OCA2: variants seen among roughly 807,000 people sequenced by gnomAD.
The protein encoded by OCA2 is P protein.
A neutral mutation model predicts 100.2 loss-of-function variants in OCA2; 77 were observed. That is an observed-to-expected ratio of 0.77 (90% CI 0.64 to 0.93). The LOEUF (loss-of-function observed/expected upper bound fraction) is 0.93. OCA2 is among the 40% of genes least tolerant of loss of function. The pLI, the probability that OCA2 is intolerant of heterozygous loss-of-function variation, is 0.00. For missense variants in OCA2, 1,062 were observed against 1,089.1 expected (o/e 0.98, Z 0.35); for synonymous variants, 432 against 439.2 (o/e 0.98, Z 0.21).
At chr15:28,030,268 A>G (rs1285257454) in intron 3 of OCA2, among the ~76,000 whole-genome samples, 1 of 152,132 alleles carries the variant, frequency 6.6e-6, no homozygotes, top group African/African-American at 2.4e-5. Context: ...TGTACGATGA[A>G]GAGGGGACAG....
At chr15:28,019,346 C>T (rs150360940) in intron 6 of OCA2, among the ~76,000 whole-genome samples, 70 of 97,864 alleles carry the variant, frequency 7.2e-4, no homozygotes, top group African/African-American at 1.7e-3. Context: ...GAGCGGGAGA[C>T]AAGGACGGCG....
At chr15:27,840,969 T>G (rs2035319851) in intron 23 of OCA2, among the ~76,000 whole-genome samples, 1 of 152,246 alleles carries the variant, frequency 6.6e-6, no homozygotes, top group South Asian at 2.1e-4. Context: ...ACTTTTGATT[T>G]GTATAAGAAC....
At chr15:27,940,883 A>G (rs2039623080) in intron 18 of OCA2, among the ~76,000 whole-genome samples, 1 of 152,212 alleles carries the variant, frequency 6.6e-6, no homozygotes, top group Non-Finnish European at 1.5e-5. Flanking sequence ...ATTCTCTCAT[A>G]ATTTATTTAA....
chr15:27,917,222 G>A (rs1309121467), intron 19 of OCA2, among the ~76,000 whole-genome samples: 1 of 152,086 alleles, frequency 6.6e-6, no homozygotes, highest in African/African-American at 2.4e-5. Context: ...ATAGGCTATA[G>A]CACTTTTTGA....
In OCA2 at chr15:28,037,441, A is replaced by T. The variant is rs1304057916; in HGVS notation, c.228-5278T>A. The stretch of plus-strand genomic sequence containing the variant: ...CCAGGAGGGGTCCCTCATGGGAAGT[A>T]TCTCCAGGGCAAGAGACAGGCCGCA... On this transcript the variant is annotated intron_variant, in intron 2 of 23. Transcript: ENST00000354638. 2.0e-5 allele frequency among the ~76,000 whole-genome samples: 3 copies of T among 152,138 alleles called. No homozygotes were observed. In the East Asian group the frequency reaches 5.8e-4, roughly 30 times the overall value.
At position 27,798,073 on chromosome 15, in the gene OCA2, G is replaced by A. The variant is rs957673942; in HGVS notation, c.2433-42601C>T. 4.6e-5 allele frequency among the ~76,000 whole-genome samples: 7 copies of A among 152,234 alleles called. No homozygotes were observed. The South Asian group carries it at 6.2e-4, about 13-fold the overall frequency. On this transcript the variant is annotated intron_variant, in intron 23 of 23. Coordinates refer to ENST00000354638, the MANE Select transcript of OCA2 (RefSeq NM_000275.3). ...AGAGGGTTACGTGTGACATGCCGTC[G>A]CTAGGCAAGCACTGATAAGCAAAGA...
At position 28,018,400 on chromosome 15, in the gene OCA2, C is replaced by T. The variant is rs764132513; in HGVS notation, c.804G>A (p.Gln268=). The T allele has an allele frequency of 2.5e-6, 4 of 1,613,896 alleles. No homozygotes were observed. The Admixed American group carries it at 6.7e-5, about 27-fold the overall frequency. The change falls in exon 7 of 24, where the codon CAG becomes CAA. Residue 268 remains glutamine, a synonymous_variant. Transcript: ENST00000354638. ...DALGSRWRRP[Q]QVTHNWTVYL... ...TCAAATAAATTATCAGCATAACCTG[C>T]TGTGGCCGCCGCCACCTGGAGCCCA...
At chr15:27,881,054 G>A (rs2036993271) in intron 19 of OCA2, among the ~76,000 whole-genome samples, 1 of 152,102 alleles carries the variant, frequency 6.6e-6, no homozygotes, top group South Asian at 2.1e-4. Flanking sequence ...AGTTTATTGA[G>A]AGTTTTTAAC....
At position 28,043,386 on chromosome 15, in the gene OCA2, A is replaced by G. The variant is rs77466841; in HGVS notation, c.228-11223T>C. On this transcript the variant is annotated intron_variant, in intron 2 of 23. Transcript: ENST00000354638. This position sits in a 1 kb window ranked among gnomAD's most constrained non-coding sequence, Gnocchi z 4.4. ...AAGCCAAACATGCATGGCTGTTTCT[A>G]TCCAGCTTGCTGTGAAGCTGGTGAT... Among the ~76,000 whole-genome samples the G allele has an allele frequency of 9.9e-3, 1,502 of 152,346 alleles. 22 individuals carry two copies. The highest frequency in any genetic ancestry group is 0.034 in the African/African-American group (1,417 of 41,582).
At chr15:28,018,693 A>C in intron 6 of OCA2, 136 bp from the exon 7 acceptor site, 3 of 782,432 alleles carry the variant, frequency 3.8e-6, no homozygotes, top group Non-Finnish European at 6.5e-6. Flanking sequence ...TTGGCCATTA[A>C]CACGATCTTC....
intron 13 of OCA2, 144 bp from the exon 14 acceptor site, chr15:27,983,627 G>C: frequency 1.1e-6 from 1 of 877,018 alleles, no homozygotes. Context: ...CAGTGCTGGG[G>C]GGAATGAACA....
At chr15:27,905,163 CA>C (rs35906783) in intron 19 of OCA2, among the ~76,000 whole-genome samples, 90 of 114,610 alleles carry the variant, frequency 7.9e-4, no homozygotes, top group African/African-American at 1.8e-3. Flanking sequence ...GACTCCACCT[CA>C]AAAAAAAAAA....
intron 19 of OCA2, among the ~76,000 whole-genome samples, chr15:27,921,578 C>T (rs886426688): frequency 2.0e-5 from 3 of 152,166 alleles, no homozygotes; most frequent in African/African-American, 7.2e-5. Context: ...GTTTTAGGGG[C>T]ACCAGCCCCC....
chr15:28,039,788 G>GCA (rs2043148755), intron 2 of OCA2, among the ~76,000 whole-genome samples: 1 of 152,126 alleles, frequency 6.6e-6, no homozygotes, highest in Non-Finnish European at 1.5e-5. Context: ...TAATCCCAAT[G>GCA]CTTTGGGAGG....
chr15:27,985,375 T>C (rs1200259665), intron 12 of OCA2, among the ~76,000 whole-genome samples, 187 bp from the exon 13 acceptor site: 1 of 152,102 alleles, frequency 6.6e-6, no homozygotes, highest in Non-Finnish European at 1.5e-5. Context: ...TTCCTAGACA[T>C]TCTAAATCCT....
chr15:28,064,666 C>T (rs1037515730), intron 2 of OCA2, among the ~76,000 whole-genome samples: 3 of 151,916 alleles, frequency 2.0e-5, no homozygotes, highest in Middle Eastern at 3.4e-3. Context: ...TTTGTTCATA[C>T]GGTGTTTTTC....
At chr15:27,742,729 G>A in the OCA2 span, among the ~76,000 whole-genome samples, 5 of 152,154 alleles carry the variant, frequency 3.3e-5, no homozygotes, top group African/African-American at 7.2e-5. Context: ...CAGGCACCTC[G>A]AGCTCTCTTT....
intron 23 of OCA2, among the ~76,000 whole-genome samples, chr15:27,820,530 T>A (rs2034465378): frequency 6.6e-6 from 1 of 152,080 alleles, no homozygotes; most frequent in South Asian, 2.1e-4. Context: ...ACCTCAAAAC[T>A]GTCAAGGTCA....
At chr15:27,797,815 C>A (rs2033410583) in intron 23 of OCA2, among the ~76,000 whole-genome samples, 1 of 152,156 alleles carries the variant, frequency 6.6e-6, no homozygotes, top group African/African-American at 2.4e-5. Flanking sequence ...CACAGGAGCA[C>A]CCTGGGGGCT....
Sources: allele counts gnomAD v4.1 joint callset (sites outside exome capture counted in the v4.1 genomes callset), GRCh38; gene constraint gnomAD v4.1.1; non-coding constraint Gnocchi (gnomAD v3.1); transcripts MANE v1.5; gene names NCBI Gene and HGNC (gene_info 2026-07-23, HGNC 2026-07-21).